NKAIN2: variants seen among roughly 807,000 people sequenced by gnomAD.
NKAIN2 encodes the protein sodium/potassium-transporting ATPase subunit beta-1-interacting protein 2.
Under a neutral mutation model 32.6 loss-of-function variants are expected in NKAIN2, and 14 were observed. The observed-to-expected ratio is 0.43, with a 90% CI of 0.28 to 0.67. NKAIN2 has a LOEUF of 0.67. Among genes scored for constraint, NKAIN2 ranks in the 30% least tolerant of loss-of-function variants. The probability of loss-of-function intolerance (pLI) is 0.17; values close to 1 mark genes in which losing one functional copy is unlikely to be tolerated. For synonymous variants in NKAIN2, 80 were observed against 87.2 expected, an observed-to-expected ratio of 0.92 and a Z score of 0.46; for missense variants, 198 against 258.3, an observed-to-expected ratio of 0.77 and a Z score of 1.60.
At chr6:124,294,532 A>G (rs755620074) in intron 2 of NKAIN2, among the ~76,000 whole-genome samples, 4 of 152,202 alleles carry the variant, frequency 2.6e-5, no homozygotes, top group Non-Finnish European at 5.9e-5. Flanking sequence ...CTGCATAAAG[A>G]AAGTCTTTGG....
chr6:124,704,379 C>T (rs916552879), intron 4 of NKAIN2, among the ~76,000 whole-genome samples: 2 of 151,684 alleles, frequency 1.3e-5, no homozygotes, highest in African/African-American at 4.8e-5. Context: ...ACTAAATAAA[C>T]AATGTAAGTT....
intron 4 of NKAIN2, among the ~76,000 whole-genome samples, chr6:124,765,112 T>C (rs149763773): frequency 2.0e-5 from 3 of 152,326 alleles, no homozygotes; most frequent in Admixed American, 2.0e-4. Flanking sequence ...AAGTGCTAAC[T>C]CTAATCATTA....
intron 1 of NKAIN2, among the ~76,000 whole-genome samples, chr6:124,224,809 G>C (rs542616141): frequency 1.3e-5 from 2 of 152,164 alleles, no homozygotes; most frequent in Admixed American, 1.3e-4. Flanking sequence ...CCTTGAAACT[G>C]TTCTGGATAT....
rs370428858 is a variant in NKAIN2 at position 124,578,391 on chromosome 6, A to G, written c.274-79795A>G. ...TGGTAGCATTCAGCACAAGCTGACT[A>G]AAGAGCCCTTGGGCCTTGAGTGAAC... On this transcript the variant is annotated intron_variant, in intron 3 of 6. Coordinates refer to ENST00000368417, the MANE Select transcript of NKAIN2 (RefSeq NM_001040214.3). Among the ~76,000 whole-genome samples the G allele has an allele frequency of 1.7e-3, 257 of 152,178 alleles. 1 individual carries two copies. Among genetic ancestry groups the G allele is most frequent in the African/African-American group, 6.0e-3 (249 of 41,534 alleles).
At chr6:124,307,070 C>T (rs983611269) in intron 2 of NKAIN2, among the ~76,000 whole-genome samples, 6 of 151,946 alleles carry the variant, frequency 3.9e-5, no homozygotes, top group African/African-American at 1.2e-4. Context: ...GGAAAAGGCC[C>T]GCTCGGGAAG....
chr6:124,212,537 C>T (rs1440438641), intron 1 of NKAIN2, among the ~76,000 whole-genome samples: 2 of 151,986 alleles, frequency 1.3e-5, no homozygotes, highest in Non-Finnish European at 1.5e-5. Flanking sequence ...CTGTATGGAC[C>T]TGTTCAGTAT....
intron 1 of NKAIN2, among the ~76,000 whole-genome samples, chr6:123,954,424 C>G (rs961955816): frequency 1.3e-5 from 2 of 152,164 alleles, no homozygotes; most frequent in African/African-American, 2.4e-5. Flanking sequence ...TGTCCTTTCC[C>G]CACATTGGGG....
At chr6:124,650,933 T>C (rs2114396277) in intron 3 of NKAIN2, among the ~76,000 whole-genome samples, 1 of 152,306 alleles carries the variant, frequency 6.6e-6, no homozygotes, top group South Asian at 2.1e-4. Context: ...AGCACAATTC[T>C]TCCTGAGGCA....
At chr6:123,840,502 T>C (rs1349357602) in intron 1 of NKAIN2, among the ~76,000 whole-genome samples, 1 of 152,134 alleles carries the variant, frequency 6.6e-6, no homozygotes, top group East Asian at 1.9e-4. Context: ...ATTTTTATGA[T>C]TTACATTGAA....
intron 3 of NKAIN2, among the ~76,000 whole-genome samples, chr6:124,549,761 T>C (rs1371011774): frequency 1.3e-5 from 2 of 152,144 alleles, no homozygotes; most frequent in Non-Finnish European, 2.9e-5. Flanking sequence ...AGTCTGATGT[T>C]TTTTCATGGC....
At chr6:124,506,826 A>G (rs1224853800) in intron 3 of NKAIN2, among the ~76,000 whole-genome samples, 2 of 152,196 alleles carry the variant, frequency 1.3e-5, no homozygotes, top group Non-Finnish European at 2.9e-5. Flanking sequence ...TGTCTTTGGC[A>G]GAGATCTAAA....
chr6:124,482,939 G>A (rs1013906170), intron 3 of NKAIN2, among the ~76,000 whole-genome samples: 2 of 152,128 alleles, frequency 1.3e-5, no homozygotes, highest in East Asian at 1.9e-4. Context: ...TTGAGACCAC[G>A]GTGAAACCCT....
intron 1 of NKAIN2, among the ~76,000 whole-genome samples, chr6:123,845,617 G>GT (rs1184827702): frequency 1.3e-5 from 2 of 152,272 alleles, no homozygotes; most frequent in Middle Eastern, 3.4e-3. Context: ...TGCAAATACA[G>GT]TATTTTCTGG....
At chr6:124,653,768 A>C (rs866507289) in intron 3 of NKAIN2, among the ~76,000 whole-genome samples, 49 of 152,292 alleles carry the variant, frequency 3.2e-4, no homozygotes, top group African/African-American at 1.1e-3. Context: ...ATAAAAGACT[A>C]CCAGGTATGG....
At chr6:123,881,758 G>A (rs56314722) in intron 1 of NKAIN2, among the ~76,000 whole-genome samples, 25,465 of 152,110 alleles carry the variant, frequency 0.17, 2,192 homozygotes, top group Non-Finnish European at 0.18. Context: ...ATGACAGAAA[G>A]ATGAGACTGA....
At chr6:124,067,272 C>T (rs1363138339) in intron 1 of NKAIN2, among the ~76,000 whole-genome samples, 2 of 152,108 alleles carry the variant, frequency 1.3e-5, no homozygotes, top group Non-Finnish European at 2.9e-5. Flanking sequence ...TCGTACTCAA[C>T]CCTCTCTAAG....
intron 5 of NKAIN2, among the ~76,000 whole-genome samples, chr6:124,811,051 G>T (rs1780883154): frequency 6.6e-6 from 1 of 152,024 alleles, no homozygotes; most frequent in Non-Finnish European, 1.5e-5. Context: ...TTTTCAATTT[G>T]GCTTATGGTT....
intron 1 of NKAIN2, among the ~76,000 whole-genome samples, chr6:124,141,519 A>G (rs975311687): frequency 3.3e-5 from 5 of 152,024 alleles, no homozygotes; most frequent in African/African-American, 4.8e-5. Context: ...ATGGTAATCT[A>G]GTTGCTTCTG....
rs538676986 is a variant in NKAIN2 at position 124,533,041 on chromosome 6, G to A, written c.274-125145G>A. Among the ~76,000 whole-genome samples the A allele has an allele frequency of 7.2e-4, 109 of 152,254 alleles. 2 individuals are homozygous for A. In the South Asian group the frequency reaches 0.021, roughly 29 times the overall value. Reference sequence around the variant, plus strand: ...GAGTGCATCTCCAATTTTCCTACCCGTTTTGATGTAGGTGTTTTCTAGGTT... The same window carrying A: ...GAGTGCATCTCCAATTTTCCTACCCATTTTGATGTAGGTGTTTTCTAGGTT... On this transcript the variant is annotated intron_variant, in intron 3 of 6. Coordinates refer to ENST00000368417, the MANE Select transcript of NKAIN2 (RefSeq NM_001040214.3).
Sources: allele counts gnomAD v4.1 joint callset (sites outside exome capture counted in the v4.1 genomes callset), GRCh38; gene constraint gnomAD v4.1.1; transcripts MANE v1.5; gene names NCBI Gene and HGNC (gene_info 2026-07-23, HGNC 2026-07-21).